Variants in EPHA6 observed in about 807,000 individuals in gnomAD.
The protein encoded by EPHA6 is ephrin type-A receptor 6.
EPHA6 carries 50 observed loss-of-function variants against 112.0 expected under a neutral mutation model. That is an observed-to-expected ratio of 0.45 (90% CI 0.36 to 0.56). The LOEUF (loss-of-function observed/expected upper bound fraction) is 0.56, where lower values mean the gene tolerates loss of function less well. Ranked by LOEUF, EPHA6 falls within the 20% of genes least tolerant of loss-of-function variation. The probability of loss-of-function intolerance (pLI) is 0.00; values close to 1 mark genes in which losing one functional copy is unlikely to be tolerated. For missense variants in EPHA6, 1,280 were observed against 1,417.4 expected (o/e 0.90, Z 1.56); for synonymous variants, 529 against 490.7 (o/e 1.08, Z -1.03).
At chr3:97,439,115 T>A (rs2090003275) in intron 6 of EPHA6, among the ~76,000 whole-genome samples, 1 of 152,160 alleles carries the variant, frequency 6.6e-6, no homozygotes, top group Non-Finnish European at 1.5e-5. Context: ...GTTCAATATT[T>A]AATGTTCAGG....
intron 10 of EPHA6, among the ~76,000 whole-genome samples, chr3:97,504,017 A>C (rs1267733015): frequency 6.6e-6 from 1 of 152,200 alleles, no homozygotes; most frequent in African/African-American, 2.4e-5. Context: ...GATTTTAAGT[A>C]TTTTATACAG....
At chr3:97,130,693 TA>T (rs1324395293) in intron 3 of EPHA6, among the ~76,000 whole-genome samples, 4 of 152,196 alleles carry the variant, frequency 2.6e-5, no homozygotes, top group African/African-American at 9.6e-5. Context: ...ATATGCATAT[TA>T]ATTCATCTGA....
intron 3 of EPHA6, among the ~76,000 whole-genome samples, chr3:97,187,698 AAAG>A (rs2077184064): frequency 7.7e-6 from 1 of 129,950 alleles, no homozygotes; most frequent in Non-Finnish European, 1.7e-5. Context: ...GGAAAGAAAG[AAAG>A]AAAGAAAGAA....
At chr3:97,193,596 ATTT>A (rs138796851) in intron 3 of EPHA6, among the ~76,000 whole-genome samples, 1 of 149,710 alleles carries the variant, frequency 6.7e-6, no homozygotes, top group Non-Finnish European at 1.5e-5. Context: ...GGATAACTTG[ATTT>A]TTTTTTTCTG....
intron 11 of EPHA6, among the ~76,000 whole-genome samples, chr3:97,567,130 G>A (rs1000519942): frequency 1.3e-5 from 2 of 152,182 alleles, no homozygotes; most frequent in African/African-American, 4.8e-5. Flanking sequence ...CACACTTATT[G>A]TTGTAGTGTA....
chr3:96,880,049 A>G lies in EPHA6; in HGVS notation c.450+13160A>G, dbSNP rs192230586. ...CTACACTAAAAGCCCAGACTTCACC[A>G]CTATACAGTTCATCCATGTAACCAA... On this transcript the variant is annotated intron_variant, in intron 2 of 17. Transcript: ENST00000389672. Among the ~76,000 whole-genome samples, 450 of 152,220 alleles carry G rather than the reference A, an allele frequency of 3.0e-3. 4 individuals are homozygous for G. The highest frequency in any genetic ancestry group is 9.8e-3 in the African/African-American group (407 of 41,558).
chr3:97,456,996 T>C (rs2090712779), intron 7 of EPHA6, among the ~76,000 whole-genome samples: 1 of 152,314 alleles, frequency 6.6e-6, no homozygotes, highest in African/African-American at 2.4e-5. Flanking sequence ...TGTATTTTGA[T>C]ATGGCTTTTC....
At chr3:97,356,391 C>T (rs1393921377) in intron 5 of EPHA6, among the ~76,000 whole-genome samples, 5 of 152,126 alleles carry the variant, frequency 3.3e-5, no homozygotes, top group Admixed American at 3.3e-4. Flanking sequence ...CATCCCAAAA[C>T]CATCCCCCTC....
Position 96,906,560 on chromosome 3 carries a change from G to A in EPHA6, c.450+39671G>A, listed in dbSNP as rs141343661. ...ATTCAGACATCCTGACATGTCACGT[G>A]CCCTTGTGCTCTGTTGTATCTTATT... On this transcript the variant is annotated intron_variant, in intron 2 of 17. Transcript: ENST00000389672. Among the ~76,000 whole-genome samples, 16 of 152,142 alleles carry A rather than the reference G, an allele frequency of 1.1e-4. No individual in the cohort carries two copies. The East Asian group carries it at 1.7e-3, about 17-fold the overall frequency.
chr3:96,917,418 C>CAAA (rs5851049), intron 2 of EPHA6, among the ~76,000 whole-genome samples: 20 of 57,946 alleles, frequency 3.5e-4, no homozygotes, highest in African/African-American at 6.8e-4. Flanking sequence ...GACTCCATCT[C>CAAA]AAAAAAAAAA....
At chr3:97,304,931 C>A (rs2081253210) in intron 5 of EPHA6, among the ~76,000 whole-genome samples, 1 of 152,032 alleles carries the variant, frequency 6.6e-6, no homozygotes, top group African/African-American at 2.4e-5. Flanking sequence ...GAAAAAGAAA[C>A]TATCATCAGA....
chr3:97,586,274 G>A (rs764990651), intron 11 of EPHA6, among the ~76,000 whole-genome samples: 1 of 152,198 alleles, frequency 6.6e-6, no homozygotes, highest in Non-Finnish European at 1.5e-5. Flanking sequence ...AGTAGGCAGA[G>A]CAGCGTAGTC....
intron 7 of EPHA6, 37 bp downstream of exon 7, chr3:97,448,767 T>C (rs774955874): frequency 7.5e-6 from 12 of 1,599,864 alleles, no homozygotes; most frequent in African/African-American, 4.0e-5. Flanking sequence ...AAGATGTGAA[T>C]TTAGTATCAT....
chr3:96,938,220 T>G (rs925930943), intron 2 of EPHA6, among the ~76,000 whole-genome samples: 39 of 152,328 alleles, frequency 2.6e-4, no homozygotes, highest in Middle Eastern at 3.4e-3. Context: ...TTTCACGATA[T>G]TGATTCTTCC....
intron 10 of EPHA6, among the ~76,000 whole-genome samples, chr3:97,506,211 C>G (rs1466854518): frequency 6.6e-6 from 1 of 152,116 alleles, no homozygotes; most frequent in Non-Finnish European, 1.5e-5. Context: ...TCTATTTTGG[C>G]TTTTGTTGCC....
chr3:97,051,454 G>A (rs532447097), intron 3 of EPHA6, among the ~76,000 whole-genome samples: 1 of 152,120 alleles, frequency 6.6e-6, no homozygotes, highest in East Asian at 1.9e-4. Flanking sequence ...ACAAAACCAG[G>A]CACTATATGC....
chr3:96,889,853 T>C (rs2037851122), intron 2 of EPHA6, among the ~76,000 whole-genome samples: 1 of 152,136 alleles, frequency 6.6e-6, no homozygotes, highest in African/African-American at 2.4e-5. Flanking sequence ...CAGGAAATAC[T>C]AGAAAATTTA....
chr3:96,956,432 A>G lies in EPHA6; in HGVS notation c.451-30898A>G, dbSNP rs181015887. Among the ~76,000 whole-genome samples, 127 of 152,322 alleles carry G rather than the reference A, an allele frequency of 8.3e-4. 1 individual carries two copies. The highest frequency in any genetic ancestry group is 2.9e-3 in the African/African-American group (121 of 41,586). ...AATAGCACACTTACCCCAAAGCTGGAATACAACTGTCAGGTTTTTGAGCTT... is the reference window on the plus strand; with the variant it reads ...AATAGCACACTTACCCCAAAGCTGGGATACAACTGTCAGGTTTTTGAGCTT... On this transcript the variant is annotated intron_variant, in intron 2 of 17. Coordinates refer to ENST00000389672, the MANE Select transcript of EPHA6 (RefSeq NM_001080448.3).
At chr3:97,253,799 T>TTCAA (rs1436591078) in intron 5 of EPHA6, among the ~76,000 whole-genome samples, 2 of 152,128 alleles carry the variant, frequency 1.3e-5, no homozygotes, top group Non-Finnish European at 2.9e-5. Flanking sequence ...GACTTCCTGT[T>TTCAA]TCAAGGCTTC....
Sources: allele counts gnomAD v4.1 joint callset (sites outside exome capture counted in the v4.1 genomes callset), GRCh38; gene constraint gnomAD v4.1.1; transcripts MANE v1.5; gene names NCBI Gene and HGNC (gene_info 2026-07-23, HGNC 2026-07-21).